Variants in SPAG16 observed in about 807,000 individuals in gnomAD.
SPAG16 encodes sperm associated antigen 16, also known as sperm-associated antigen 16 protein.
Under a neutral mutation model 80.4 loss-of-function variants are expected in SPAG16, and 86 were observed. The observed-to-expected ratio is 1.07, with a 90% CI of 0.90 to 1.28. The LOEUF (loss-of-function observed/expected upper bound fraction) is 1.28. Ranked by LOEUF, SPAG16 falls within the 50% of genes most tolerant of loss-of-function variation. The pLI is 0.00. For missense variants in SPAG16, 870 were observed against 765.3 expected (o/e 1.14, Z -1.61); for synonymous variants, 294 against 265.9 (o/e 1.11, Z -1.03).
At chr2:213,400,321 A>C (rs1396554142) in intron 9 of SPAG16, among the ~76,000 whole-genome samples, 2 of 152,136 alleles carry the variant, frequency 1.3e-5, no homozygotes, top group Non-Finnish European at 2.9e-5. Context: ...ACTGCATCCC[A>C]CAGATGTTTA....
At chr2:213,747,479 A>G (rs2067879436) in intron 10 of SPAG16, among the ~76,000 whole-genome samples, 1 of 152,214 alleles carries the variant, frequency 6.6e-6, no homozygotes, top group African/African-American at 2.4e-5. Flanking sequence ...TACCTAGATC[A>G]AATTGCAGTC....
At chr2:213,817,559 A>G (rs2072632086) in intron 10 of SPAG16, among the ~76,000 whole-genome samples, 1 of 152,140 alleles carries the variant, frequency 6.6e-6, no homozygotes, top group South Asian at 2.1e-4. Flanking sequence ...ACTATTTACA[A>G]TAGGAAAGAC....
chr2:214,068,865 T>C (rs1472393184), intron 13 of SPAG16, among the ~76,000 whole-genome samples: 1 of 152,094 alleles, frequency 6.6e-6, no homozygotes, highest in African/African-American at 2.4e-5. Flanking sequence ...CATTTTTTTT[T>C]CCCTGACACC....
intron 10 of SPAG16, among the ~76,000 whole-genome samples, chr2:213,619,205 C>G (rs1275794618): frequency 6.6e-6 from 1 of 152,042 alleles, no homozygotes; most frequent in Non-Finnish European, 1.5e-5. Context: ...AAAATCAACT[C>G]AAAATGGATT....
At chr2:213,605,990 C>G (rs1330855871) in intron 10 of SPAG16, among the ~76,000 whole-genome samples, 2 of 152,102 alleles carry the variant, frequency 1.3e-5, no homozygotes, top group Non-Finnish European at 2.9e-5. Context: ...TATGGGTAAC[C>G]ACTATTCTAA....
At chr2:213,959,527 A>T (rs1242061386) in intron 12 of SPAG16, among the ~76,000 whole-genome samples, 1 of 152,212 alleles carries the variant, frequency 6.6e-6, no homozygotes, top group Non-Finnish European at 1.5e-5. Context: ...TGAACAACAG[A>T]GTCATCTAAA....
chr2:213,939,312 T>A (rs1258402339), intron 12 of SPAG16, among the ~76,000 whole-genome samples: 1 of 152,208 alleles, frequency 6.6e-6, no homozygotes, highest in African/African-American at 2.4e-5. Flanking sequence ...TTGTGGAGCT[T>A]ACATTACAGA....
intron 15 of SPAG16, among the ~76,000 whole-genome samples, chr2:214,323,004 T>G (rs1266098865): frequency 6.6e-6 from 1 of 152,214 alleles, no homozygotes; most frequent in East Asian, 1.9e-4. Context: ...GAGTCTTTTT[T>G]GGGCACTCTA....
At chr2:213,694,987 A>G (rs1312169784) in intron 10 of SPAG16, among the ~76,000 whole-genome samples, 1 of 152,094 alleles carries the variant, frequency 6.6e-6, no homozygotes, top group Non-Finnish European at 1.5e-5. Flanking sequence ...TCATGACAAA[A>G]TCTGTACTCT....
intron 15 of SPAG16, among the ~76,000 whole-genome samples, chr2:214,222,831 C>T (rs1576532768): frequency 6.6e-6 from 1 of 152,116 alleles, no homozygotes; most frequent in Non-Finnish European, 1.5e-5. Flanking sequence ...GGATGTGCCT[C>T]ATACCAAATA....
intron 14 of SPAG16, among the ~76,000 whole-genome samples, chr2:214,145,164 TTTTC>T (rs1192302624): frequency 4.6e-5 from 7 of 152,034 alleles, no homozygotes; most frequent in African/African-American, 7.2e-5. Context: ...AGTTTTCTCC[TTTTC>T]TTTCTTAGTT....
At chr2:214,401,572 A>G (rs1701711710) in intron 15 of SPAG16, among the ~76,000 whole-genome samples, 1 of 151,984 alleles carries the variant, frequency 6.6e-6, no homozygotes, top group Non-Finnish European at 1.5e-5. Flanking sequence ...CAAAGAATGA[A>G]TAATCATGAG....
At chr2:214,085,661 C>T (rs1043550767) in intron 13 of SPAG16, among the ~76,000 whole-genome samples, 26 of 152,140 alleles carry the variant, frequency 1.7e-4, no homozygotes, top group African/African-American at 6.0e-4. Context: ...TTTAGTAGCT[C>T]ATTACCTTTC....
chr2:213,297,238 TC>T, intron 2 of SPAG16, 23 bp from the exon 3 acceptor site: 1 of 1,566,876 alleles, frequency 6.4e-7, no homozygotes, highest in Non-Finnish European at 8.7e-7. Flanking sequence ...ACTCTTCCTA[TC>T]CTTCTCTTTC....
At chr2:214,267,231 C>T (rs982180515) in intron 15 of SPAG16, among the ~76,000 whole-genome samples, 12 of 151,770 alleles carry the variant, frequency 7.9e-5, no homozygotes, top group African/African-American at 2.9e-4. Flanking sequence ...CACTATACTA[C>T]TGGATTTCAA....
intron 10 of SPAG16, among the ~76,000 whole-genome samples, chr2:213,537,519 T>A (rs890985341): frequency 6.6e-6 from 1 of 152,152 alleles, no homozygotes; most frequent in Non-Finnish European, 1.5e-5. Context: ...AGTGGAATTC[T>A]GCTCTATATA....
intron 9 of SPAG16, among the ~76,000 whole-genome samples, chr2:213,380,925 G>A (rs2067140719): frequency 6.6e-6 from 1 of 152,188 alleles, no homozygotes; most frequent in African/African-American, 2.4e-5. Context: ...CTACCCCAAT[G>A]AAGAATGTGG....
chr2:214,301,940 G>A (rs1031370810), intron 15 of SPAG16, among the ~76,000 whole-genome samples: 3 of 152,036 alleles, frequency 2.0e-5, no homozygotes, highest in Admixed American at 1.3e-4. Context: ...ATAGCACTGA[G>A]CTTGCTCTCT....
intron 11 of SPAG16, among the ~76,000 whole-genome samples, chr2:213,888,618 C>A (rs942035019): frequency 1.3e-5 from 2 of 151,676 alleles, no homozygotes; most frequent in African/African-American, 2.4e-5. Context: ...GTTACTAATG[C>A]TGTCTCATGT....
Sources: gnomAD v4.1 joint callset for allele counts (sites outside exome capture counted in the v4.1 genomes callset) on GRCh38, gnomAD v4.1.1 for gene constraint, MANE v1.5 for transcripts, NCBI Gene and HGNC (gene_info 2026-07-23, HGNC 2026-07-21) for gene names.